The following MACC1 variants were observed in gnomAD, a reference collection of about 807,000 sequenced individuals.
MACC1 encodes the protein metastasis-associated in colon cancer protein 1.
A neutral mutation model predicts 70.7 loss-of-function variants in MACC1; 79 were observed. The ratio of observed to expected loss-of-function variants is 1.12; its 90% CI spans 0.93 to 1.35. MACC1 has a LOEUF of 1.35. Among genes scored for constraint, MACC1 ranks in the 40% most tolerant of loss-of-function variants. The pLI is 0.00. For synonymous variants in MACC1, 361 were observed against 347.2 expected (o/e 1.04, Z -0.44); for missense variants, 1,106 against 978.1 (o/e 1.13, Z -1.74).
intron 1 of MACC1, among the ~76,000 whole-genome samples, chr7:20,184,287 A>G (rs1359359818): frequency 6.6e-6 from 1 of 152,130 alleles, no homozygotes; most frequent in African/African-American, 2.4e-5. Flanking sequence ...CAAGATTAAC[A>G]ACATCTAACT....
chr7:20,214,104 C>T (rs1273019761), intron 1 of MACC1, among the ~76,000 whole-genome samples: 1 of 152,020 alleles, frequency 6.6e-6, no homozygotes. Flanking sequence ...GTCATATTCC[C>T]TATGCTCCAA....
intron 1 of MACC1, among the ~76,000 whole-genome samples, chr7:20,184,320 T>C (rs1464306639): frequency 2.0e-5 from 3 of 152,278 alleles, no homozygotes; most frequent in African/African-American, 7.2e-5. Flanking sequence ...CTGAAATTTG[T>C]TGGATTTAAA....
intron 1 of MACC1, among the ~76,000 whole-genome samples, chr7:20,174,039 C>A (rs1234654008): frequency 6.6e-6 from 1 of 152,218 alleles, no homozygotes; most frequent in Non-Finnish European, 1.5e-5. Context: ...GAACAGACAA[C>A]AACATTCAGC....
chr7:20,158,081 C>A, intron 5 of MACC1, 123 bp downstream of exon 5: 1 of 1,179,574 alleles, frequency 8.5e-7, no homozygotes, highest in Non-Finnish European at 1.2e-6. Flanking sequence ...TATAAAGTGT[C>A]TTTAATGTAT....
At chr7:20,207,292 C>T (rs1393103849) in intron 1 of MACC1, among the ~76,000 whole-genome samples, 2 of 151,864 alleles carry the variant, frequency 1.3e-5, no homozygotes, top group Non-Finnish European at 2.9e-5. Flanking sequence ...AGGCATGTGC[C>T]ACCCCATGTC....
chr7:20,210,131 TAAAGGTATGC>T lies in MACC1; in HGVS notation c.-218+7158_-218+7167del, dbSNP rs576450287. On this transcript the variant is annotated intron_variant, in intron 1 of 6. Transcript: ENST00000400331. Reference sequence around the variant, plus strand: ...TGAGAACTAATGCACACACAAACCTTAAAGGTATGCATCCTTGGTAAGCATAATTGTGATT... The same window carrying T: ...TGAGAACTAATGCACACACAAACCTTATCCTTGGTAAGCATAATTGTGATT... Among the ~76,000 whole-genome samples the T allele has an allele frequency of 2.3e-3, 357 of 152,300 alleles. 2 individuals are homozygous for T. The highest frequency in any genetic ancestry group is 6.8e-3 in the Middle Eastern group (2 of 294).
At chr7:20,177,356 GTTTAATT>G (rs1369475305) in intron 1 of MACC1, among the ~76,000 whole-genome samples, 19 of 152,012 alleles carry the variant, frequency 1.2e-4, no homozygotes, top group Admixed American at 6.6e-5. Flanking sequence ...TTTTATACCT[GTTTAATT>G]TTTAAGTTTC....
At chr7:20,186,990 G>T (rs934421720) in intron 1 of MACC1, among the ~76,000 whole-genome samples, 1 of 151,992 alleles carries the variant, frequency 6.6e-6, no homozygotes, top group African/African-American at 2.4e-5. Context: ...CAGATGAAAA[G>T]AAACAAGACT....
At chr7:20,211,372 G>A (rs928526988) in intron 1 of MACC1, among the ~76,000 whole-genome samples, 10 of 152,064 alleles carry the variant, frequency 6.6e-5, no homozygotes, top group Non-Finnish European at 1.5e-5. Context: ...TGATTAATAT[G>A]ATTAATACTA....
chr7:20,144,271 A>G (rs969227849), intron 6 of MACC1, among the ~76,000 whole-genome samples: 1 of 152,236 alleles, frequency 6.6e-6, no homozygotes, highest in Non-Finnish European at 1.5e-5. Context: ...TAGGAAGGAG[A>G]TAGACACCTG....
intron 1 of MACC1, among the ~76,000 whole-genome samples, chr7:20,194,504 C>T (rs940850632): frequency 9.9e-5 from 15 of 152,184 alleles, no homozygotes; most frequent in Non-Finnish European, 1.5e-4. Flanking sequence ...AAGGAGGCTT[C>T]GCTCCTTTCA....
intron 4 of MACC1, among the ~76,000 whole-genome samples, chr7:20,161,270 T>C (rs1782135062): frequency 6.6e-6 from 1 of 152,090 alleles, no homozygotes; most frequent in African/African-American, 2.4e-5. Flanking sequence ...TTGTTTAATA[T>C]ACATAGAAAC....
In MACC1 at chr7:20,138,343, T is replaced by A. The variant is rs1781748197; in HGVS notation, c.*2603A>T. 1 of 152,044 alleles carries A rather than the reference T, an allele frequency of 6.6e-6. No individual in the cohort carries two copies. Among genetic ancestry groups the A allele is most frequent in the Middle Eastern group, 3.2e-3 (1 of 316 alleles). 9.4% of individuals were successfully genotyped at this position (152,044 alleles called of 1,614,324 possible). A position where few individuals can be genotyped will look rare whatever the true frequency, so the allele number is the denominator to read the frequency against. Reference sequence around the variant, plus strand: ...ATAATACATGATGCAATGTAAACCTTAAATTATTTATTTAATCTTACTACA... The same window carrying A: ...ATAATACATGATGCAATGTAAACCTAAAATTATTTATTTAATCTTACTACA... On this transcript the variant is annotated 3_prime_UTR_variant, in exon 7 of 7. Coordinates refer to ENST00000400331, the MANE Select transcript of MACC1 (RefSeq NM_182762.4).
At chr7:20,200,649 T>C (rs752516672) in intron 1 of MACC1, among the ~76,000 whole-genome samples, 1 of 152,202 alleles carries the variant, frequency 6.6e-6, no homozygotes, top group Non-Finnish European at 1.5e-5. Flanking sequence ...AGCACCTGAT[T>C]TCTTTTTTTG....
At position 20,154,294 on chromosome 7, in the gene MACC1, C is replaced by T. The variant is rs573144008; in HGVS notation, c.2245G>A (p.Gly749Ser). The change falls in exon 6 of 7, where the codon GGC becomes AGC. Residue 749 changes from glycine to serine, a missense_variant. Gly to Ser is a moderately conservative substitution (Grantham distance 56). Transcript: ENST00000400331. ...VLTSAVKLGK[G>S]WRELAEKLVR... ...AACTTTTCAGCTAGTTCCCTCCAGC[C>T]TTTTCCAAGCTTGACAGCTGAAGTC... 3 of 1,613,922 alleles carry T rather than the reference C, an allele frequency of 1.9e-6. No individual in the cohort carries two copies. In the East Asian group the frequency reaches 6.7e-5, roughly 36 times the overall value.
At chr7:20,203,169 A>G (rs963479057) in intron 1 of MACC1, among the ~76,000 whole-genome samples, 2 of 152,188 alleles carry the variant, frequency 1.3e-5, no homozygotes, top group Non-Finnish European at 2.9e-5. Context: ...AAGTTTCAAA[A>G]TGCAGTATTA....
chr7:20,199,791 T>C (rs1782806212), intron 1 of MACC1, among the ~76,000 whole-genome samples: 1 of 152,228 alleles, frequency 6.6e-6, no homozygotes, highest in Non-Finnish European at 1.5e-5. Context: ...TTCTTGTTCT[T>C]AAAGTTAAGA....
At chr7:20,197,364 A>G (rs1360068863) in intron 1 of MACC1, among the ~76,000 whole-genome samples, 1 of 152,074 alleles carries the variant, frequency 6.6e-6, no homozygotes, top group Non-Finnish European at 1.5e-5. Context: ...TGGAATCTCT[A>G]TTGGATACCA....
At chr7:20,200,076 T>C (rs1036713185) in intron 1 of MACC1, among the ~76,000 whole-genome samples, 3 of 152,140 alleles carry the variant, frequency 2.0e-5, no homozygotes, top group Non-Finnish European at 2.9e-5. Context: ...TACATATATA[T>C]GTATTTCCTT....
Sources: gnomAD v4.1 joint callset for allele counts (sites outside exome capture counted in the v4.1 genomes callset) on GRCh38, gnomAD v4.1.1 for gene constraint, MANE v1.5 for transcripts, NCBI Gene and HGNC (gene_info 2026-07-23, HGNC 2026-07-21) for gene names.